Variants in GRID2 observed in about 807,000 individuals in gnomAD.
The protein encoded by GRID2 is glutamate ionotropic receptor delta type subunit 2, also known as glutamate receptor ionotropic, delta-2.
A neutral mutation model predicts 114.8 loss-of-function variants in GRID2; 33 were observed. The observed-to-expected ratio is 0.29, with a 90% confidence interval of 0.22 to 0.38. GRID2 has a LOEUF of 0.38. GRID2 is among the 10% of genes least tolerant of loss of function. GRID2 has a pLI of 1.00. For missense variants in GRID2, 1,184 were observed against 1,257.7 expected (o/e 0.94, Z 0.89); for synonymous variants, 505 against 449.9 (o/e 1.12, Z -1.55).
chr4:92,407,042 G>A (rs548607179), intron 1 of GRID2, among the ~76,000 whole-genome samples: 1 of 152,050 alleles, frequency 6.6e-6, no homozygotes, highest in African/African-American at 2.4e-5. Flanking sequence ...AGTGGAAAGC[G>A]AAGGGGAAGC....
chr4:93,284,588 G>T (rs1321184997), intron 8 of GRID2, among the ~76,000 whole-genome samples: 2 of 151,354 alleles, frequency 1.3e-5, no homozygotes, highest in Non-Finnish European at 2.9e-5. Context: ...TACAACAGAA[G>T]GATTATATCT....
At chr4:93,207,276 T>G in intron 4 of GRID2, 128 bp from the exon 5 acceptor site, 2 of 720,734 alleles carry the variant, frequency 2.8e-6, no homozygotes, top group South Asian at 1.5e-5. Flanking sequence ...TTTTTCCATC[T>G]TCAATTGAGT....
chr4:92,750,719 G>C (rs914326802), intron 2 of GRID2, among the ~76,000 whole-genome samples: 7 of 152,192 alleles, frequency 4.6e-5, no homozygotes, highest in Non-Finnish European at 1.0e-4. Flanking sequence ...GTTTGAAGGA[G>C]TGTCTGCCTT....
intron 4 of GRID2, among the ~76,000 whole-genome samples, chr4:93,178,800 T>C (rs1213785708): frequency 6.6e-6 from 1 of 152,140 alleles, no homozygotes; most frequent in African/African-American, 2.4e-5. Context: ...CTTTATGTTC[T>C]TAACTGGTAA....
At chr4:92,777,362 T>C (rs1356670997) in intron 2 of GRID2, among the ~76,000 whole-genome samples, 2 of 152,100 alleles carry the variant, frequency 1.3e-5, no homozygotes, top group Non-Finnish European at 2.9e-5. Context: ...TGTGTGGTAA[T>C]AACAGCCCCA....
chr4:92,530,048 GT>G (rs35734039), intron 1 of GRID2, among the ~76,000 whole-genome samples: 1,671 of 145,468 alleles, frequency 0.011, 34 homozygotes, highest in African/African-American at 0.039. Flanking sequence ...GATAAGAAGG[GT>G]TTTTTTTTTT....
intron 2 of GRID2, among the ~76,000 whole-genome samples, chr4:92,796,346 G>C (rs1435489185): frequency 6.6e-6 from 1 of 151,808 alleles, no homozygotes. Flanking sequence ...TACTAGAAAG[G>C]TACTTCCTGA....
At chr4:92,918,178 T>C (rs1398805772) in intron 2 of GRID2, among the ~76,000 whole-genome samples, 2 of 152,160 alleles carry the variant, frequency 1.3e-5, no homozygotes, top group African/African-American at 4.8e-5. Flanking sequence ...ATAAGAATGA[T>C]TGTTATTTTT....
chr4:93,720,000 A>G (rs1271225004), intron 14 of GRID2, among the ~76,000 whole-genome samples: 1 of 152,048 alleles, frequency 6.6e-6, no homozygotes, highest in African/African-American at 2.4e-5. Flanking sequence ...ACCCCACCTT[A>G]TTTTTTGATG....
chr4:93,068,693 CA>C (rs5860304), intron 2 of GRID2, among the ~76,000 whole-genome samples: 31 of 148,464 alleles, frequency 2.1e-4, no homozygotes, highest in East Asian at 7.9e-4. Flanking sequence ...TTCCTATTTA[CA>C]AAAAAAAAAA....
At chr4:92,805,518 G>A (rs535665579) in intron 2 of GRID2, among the ~76,000 whole-genome samples, 19 of 152,090 alleles carry the variant, frequency 1.2e-4, no homozygotes, top group Non-Finnish European at 7.4e-5. Context: ...TATGATCAGC[G>A]ATTTTTATGA....
chr4:93,316,343 G>A (rs199957387), intron 8 of GRID2, among the ~76,000 whole-genome samples: 705 of 54,890 alleles, frequency 0.013, 2 homozygotes, highest in Non-Finnish European at 0.018. Context: ...AAAGAAAGAA[G>A]GAAGGAAGGA....
chr4:93,392,936 C>T (rs1764992737), intron 8 of GRID2, among the ~76,000 whole-genome samples: 2 of 151,964 alleles, frequency 1.3e-5, no homozygotes, highest in Admixed American at 1.3e-4. Context: ...GTAAGGGCAC[C>T]TTCTCATATG....
At chr4:92,468,934 C>T (rs1193251649) in intron 1 of GRID2, among the ~76,000 whole-genome samples, 3 of 152,100 alleles carry the variant, frequency 2.0e-5, no homozygotes, top group African/African-American at 7.2e-5. Flanking sequence ...AGACAAGGCA[C>T]TGTGAAGAGA....
Position 93,422,984 on chromosome 4 carries a change from T to C in GRID2, c.1545+16T>C. The C allele has an allele frequency of 6.6e-7, 1 of 1,523,454 alleles. No homozygotes were observed. Among genetic ancestry groups the C allele is most frequent in the Non-Finnish European group, 9.1e-7 (1 of 1,097,738 alleles). 94.4% of individuals were successfully genotyped at this position (1,523,454 alleles called of 1,614,324 possible). ...TGTCTTTAAGGTAAGAATTACTTTA[T>C]TTATTTGTCTCATACTTAAAGGTTC... On this transcript the variant is annotated intron_variant, in intron 10 of 15. Transcript: ENST00000282020.
chr4:92,974,684 C>T (rs1287760318), intron 2 of GRID2, among the ~76,000 whole-genome samples: 2 of 146,642 alleles, frequency 1.4e-5, no homozygotes, highest in African/African-American at 5.1e-5. Context: ...GAACGTGTCG[C>T]GGGGGTAGGG....
intron 8 of GRID2, among the ~76,000 whole-genome samples, chr4:93,322,359 T>A (rs1357686792): frequency 1.3e-5 from 2 of 152,152 alleles, no homozygotes; most frequent in Middle Eastern, 3.4e-3. Context: ...ATCCATGTCC[T>A]TACAAAGGAC....
intron 8 of GRID2, among the ~76,000 whole-genome samples, chr4:93,254,573 C>A (rs899016497): frequency 6.6e-6 from 1 of 151,982 alleles, no homozygotes; most frequent in Non-Finnish European, 1.5e-5. Context: ...TTGAGAATTT[C>A]TTCTTTTGAT....
intron 13 of GRID2, among the ~76,000 whole-genome samples, chr4:93,555,604 A>C (rs562963865): frequency 5.3e-5 from 8 of 152,320 alleles, no homozygotes; most frequent in Admixed American, 2.0e-4. Flanking sequence ...CAGCAACCCC[A>C]GTCAGGGGCT....
Sources: gnomAD v4.1 joint callset for allele counts (sites outside exome capture counted in the v4.1 genomes callset) on GRCh38, gnomAD v4.1.1 for gene constraint, MANE v1.5 for transcripts, NCBI Gene and HGNC (gene_info 2026-07-23, HGNC 2026-07-21) for gene names.